The following ETV1 variants were observed in gnomAD, a reference collection of about 807,000 sequenced individuals.
ETV1 encodes the protein ETS translocation variant 1.
In ETV1, 27 loss-of-function variants were observed where a neutral mutation model predicts 62.3. The ratio of observed to expected loss-of-function variants is 0.43; its 90% CI spans 0.32 to 0.60. ETV1 has a LOEUF of 0.60. Ranked by LOEUF, ETV1 falls within the 20% of genes least tolerant of loss-of-function variation. ETV1 has a pLI of 0.06. For synonymous variants in ETV1, 222 were observed against 199.6 expected (o/e 1.11, Z -0.94); for missense variants, 605 against 605.8 (o/e 1.00, Z 0.01).
At chr7:13,924,915 G>A in intron 9 of ETV1, among the ~76,000 whole-genome samples, 1 of 150,476 alleles carries the variant, frequency 6.6e-6, no homozygotes, top group East Asian at 2.0e-4. Context: ...AAAATAGCAC[G>A]AACAACATTT....
chr7:13,898,702 A>T (rs1023066905), intron 13 of ETV1, among the ~76,000 whole-genome samples: 2 of 152,246 alleles, frequency 1.3e-5, no homozygotes, highest in Admixed American at 1.3e-4. Context: ...GAACAAATAT[A>T]GCCATATAAA....
chr7:13,971,461 G>A (rs1780897043), intron 6 of ETV1, among the ~76,000 whole-genome samples: 1 of 152,196 alleles, frequency 6.6e-6, no homozygotes. Flanking sequence ...AAGTACAGAA[G>A]TTTGCAAAAG....
chr7:13,954,653 G>T (rs1002450468), intron 6 of ETV1, among the ~76,000 whole-genome samples: 4 of 152,096 alleles, frequency 2.6e-5, no homozygotes, highest in African/African-American at 9.7e-5. Context: ...TATGTAAAAA[G>T]GATCTGTAGT....
At chr7:13,959,696 C>T (rs1789927152) in intron 6 of ETV1, among the ~76,000 whole-genome samples, 1 of 151,828 alleles carries the variant, frequency 6.6e-6, no homozygotes, top group Non-Finnish European at 1.5e-5. Context: ...CCAGCCTGGC[C>T]TGCATCGTGA....
At chr7:13,982,745 T>A (rs903520210) in intron 5 of ETV1, among the ~76,000 whole-genome samples, 2 of 152,024 alleles carry the variant, frequency 1.3e-5, no homozygotes, top group Admixed American at 1.3e-4. Flanking sequence ...ATGTCGTTTT[T>A]AAAGCCTTTA....
chr7:13,984,487 G>A (rs78681161), intron 5 of ETV1, among the ~76,000 whole-genome samples: 24,441 of 151,782 alleles, frequency 0.16, 2,244 homozygotes, highest in Middle Eastern at 0.29. Flanking sequence ...AAAAAAAAGT[G>A]GAGTCTAGAA....
chr7:13,929,357 C>T (rs139887298), intron 9 of ETV1, among the ~76,000 whole-genome samples: 84 of 152,228 alleles, frequency 5.5e-4, no homozygotes, highest in African/African-American at 1.9e-3. Context: ...AATTATAAAT[C>T]GGCCAAGCAA....
chr7:13,918,494 T>C (rs1414665037), intron 9 of ETV1, among the ~76,000 whole-genome samples: 2 of 152,052 alleles, frequency 1.3e-5, no homozygotes, highest in Non-Finnish European at 2.9e-5. Flanking sequence ...TGTCCAACAA[T>C]GATAGACTGG....
intron 4 of ETV1, 79 bp downstream of exon 4, chr7:13,988,007 A>G (rs558713196): frequency 3.1e-5 from 25 of 793,672 alleles, no homozygotes; most frequent in Non-Finnish European, 5.5e-5. Flanking sequence ...TTAAGATAAG[A>G]CTGAAGTGCT....
intron 5 of ETV1, among the ~76,000 whole-genome samples, chr7:13,985,798 A>G (rs1583909717): frequency 6.6e-6 from 1 of 152,196 alleles, no homozygotes; most frequent in Non-Finnish European, 1.5e-5. Context: ...ATGAATGCCA[A>G]CAGAAGTCCC....
intron 10 of ETV1, among the ~76,000 whole-genome samples, chr7:13,910,893 G>C (rs1471516665): frequency 6.6e-6 from 1 of 152,168 alleles, no homozygotes; most frequent in Non-Finnish European, 1.5e-5. Context: ...CTATGACTAG[G>C]TCTGTAAAAG....
At chr7:13,989,803 C>T (rs867922029), upstream of ETV1, 26 of 390,616 alleles carry the variant, frequency 6.7e-5, no homozygotes, top group South Asian at 1.2e-3. Context: ...AGGCGGCTTG[C>T]TGCCCCTTCC....
At chr7:13,917,073 T>C (rs2128428177) in intron 9 of ETV1, among the ~76,000 whole-genome samples, 1 of 152,102 alleles carries the variant, frequency 6.6e-6, no homozygotes, top group Middle Eastern at 3.4e-3. Flanking sequence ...TATAGAATTT[T>C]ATCTACACAA....
intron 13 of ETV1, 143 bp downstream of exon 13, chr7:13,900,595 A>C: frequency 1.7e-6 from 1 of 598,818 alleles, no homozygotes. Context: ...AAAGGCTTGT[A>C]ATACCAAAAC....
intron 10 of ETV1, among the ~76,000 whole-genome samples, chr7:13,910,699 A>G (rs548719427): frequency 1.3e-5 from 2 of 152,216 alleles, no homozygotes; most frequent in Non-Finnish European, 2.9e-5. Flanking sequence ...ATTACTTTTT[A>G]GGTATCAAAG....
intron 4 of ETV1, among the ~76,000 whole-genome samples, chr7:13,987,318 G>C (rs1020754722): frequency 1.1e-4 from 16 of 151,974 alleles, no homozygotes; most frequent in African/African-American, 3.9e-4. Context: ...GAGGGAGAGA[G>C]GGAGGTATTT....
chr7:13,981,687 C>T (rs533947110), intron 5 of ETV1, among the ~76,000 whole-genome samples: 5 of 152,048 alleles, frequency 3.3e-5, no homozygotes, highest in Admixed American at 6.6e-5. Context: ...AAAACCATTA[C>T]GGAAATGCCT....
At chr7:13,980,761 T>G (rs1440717364) in intron 5 of ETV1, among the ~76,000 whole-genome samples, 1 of 152,138 alleles carries the variant, frequency 6.6e-6, no homozygotes, top group Non-Finnish European at 1.5e-5. Flanking sequence ...TTGTTTTACC[T>G]AGATTATTAT....
chr7:13,959,796 T>C (rs1406694471), intron 6 of ETV1, among the ~76,000 whole-genome samples: 2 of 141,078 alleles, frequency 1.4e-5, no homozygotes, highest in South Asian at 2.2e-4. Flanking sequence ...GGCAGGAGAA[T>C]GGCTGGAACC....
Sources: gnomAD v4.1 joint callset for allele counts (sites outside exome capture counted in the v4.1 genomes callset) on GRCh38, gnomAD v4.1.1 for gene constraint, MANE v1.5 for transcripts, NCBI Gene and HGNC (gene_info 2026-07-23, HGNC 2026-07-21) for gene names.